CNTN5: variants seen among roughly 807,000 people sequenced by gnomAD.
CNTN5 encodes contactin-5.
In CNTN5, 77 loss-of-function variants were observed where a neutral mutation model predicts 129.1. That is an observed-to-expected ratio of 0.60 (90% confidence interval 0.50 to 0.72). The LOEUF is 0.72. CNTN5 is among the 30% of genes least tolerant of loss of function. The pLI is 0.00. For missense variants in CNTN5, 1,478 were observed against 1,328.8 expected, an observed-to-expected ratio of 1.11 and a Z score of -1.75; for synonymous variants, 509 against 465.6, an observed-to-expected ratio of 1.09 and a Z score of -1.20.
intron 3 of CNTN5, among the ~76,000 whole-genome samples, chr11:99,724,236 T>C (rs1211261102): frequency 1.3e-5 from 2 of 152,136 alleles, no homozygotes; most frequent in African/African-American, 2.4e-5. Context: ...TTTGTTTTTT[T>C]CTAAGACATT....
chr11:99,511,144 A>G (rs983305053), intron 2 of CNTN5, among the ~76,000 whole-genome samples: 2 of 152,186 alleles, frequency 1.3e-5, no homozygotes, highest in Admixed American at 6.6e-5. Context: ...TAGGGTGTCA[A>G]TTTTGGATCT....
At chr11:99,810,186 A>T (rs78469430) in intron 3 of CNTN5, among the ~76,000 whole-genome samples, 1,768 of 152,262 alleles carry the variant, frequency 0.012, 23 homozygotes, top group African/African-American at 0.04. Context: ...ATTTGTAACA[A>T]TGTTCATGCT....
chr11:100,076,728 T>G (rs574125582), intron 13 of CNTN5, among the ~76,000 whole-genome samples: 12 of 152,042 alleles, frequency 7.9e-5, no homozygotes, highest in Non-Finnish European at 1.5e-4. Context: ...TCCTTAGCAT[T>G]CTGCCTACCT....
intron 1 of CNTN5, chr11:99,049,561 A>T (rs1029915901): frequency 1.3e-5 from 2 of 152,128 alleles, no homozygotes; most frequent in Non-Finnish European, 2.9e-5. Flanking sequence ...GAACAGAAGC[A>T]AAGTAATAAT....
At chr11:99,765,094 T>C (rs185991631) in intron 3 of CNTN5, among the ~76,000 whole-genome samples, 6 of 152,170 alleles carry the variant, frequency 3.9e-5, no homozygotes, top group African/African-American at 1.2e-4. Context: ...TGGAAGATAA[T>C]GGTGTGAATA....
At chr11:99,295,014 G>T (rs1219593360) in intron 1 of CNTN5, among the ~76,000 whole-genome samples, 1 of 152,112 alleles carries the variant, frequency 6.6e-6, no homozygotes, top group African/African-American at 2.4e-5. Flanking sequence ...ATAGTTTACG[G>T]TGTCCTCATG....
chr11:99,922,068 G>T (rs1056034147), intron 7 of CNTN5, among the ~76,000 whole-genome samples: 1 of 152,044 alleles, frequency 6.6e-6, no homozygotes, highest in Non-Finnish European at 1.5e-5. Context: ...ACCTGATACC[G>T]GGTAATTTAT....
At chr11:100,134,882 C>T (rs1260084537) in intron 13 of CNTN5, among the ~76,000 whole-genome samples, 1 of 152,146 alleles carries the variant, frequency 6.6e-6, no homozygotes, top group Non-Finnish European at 1.5e-5. Flanking sequence ...CTACTCCAAA[C>T]ATGAGGACAT....
At chr11:99,467,983 C>A (rs1047326745) in intron 2 of CNTN5, among the ~76,000 whole-genome samples, 1 of 151,876 alleles carries the variant, frequency 6.6e-6, no homozygotes, top group Non-Finnish European at 1.5e-5. Context: ...TCATATTTAC[C>A]CCTTGAGTCT....
intron 15 of CNTN5, among the ~76,000 whole-genome samples, chr11:100,204,296 TA>T (rs1384179087): frequency 6.5e-5 from 1 of 15,294 alleles, no homozygotes; most frequent in Non-Finnish European, 1.5e-4. Context: ...AAACATTGAC[TA>T]ATATATATAT....
chr11:100,223,001 T>A (rs555756087), intron 15 of CNTN5, among the ~76,000 whole-genome samples: 2 of 152,116 alleles, frequency 1.3e-5, no homozygotes, highest in South Asian at 2.1e-4. Context: ...TTTCCCCATT[T>A]AAAAAAATCA....
At chr11:100,235,668 A>G (rs1949597912) in intron 16 of CNTN5, among the ~76,000 whole-genome samples, 1 of 152,092 alleles carries the variant, frequency 6.6e-6, no homozygotes, top group African/African-American at 2.4e-5. Context: ...TCTTCTGGGA[A>G]CCATGGGTTA....
chr11:99,307,059 C>A (rs866190171), intron 1 of CNTN5, among the ~76,000 whole-genome samples: 11 of 152,104 alleles, frequency 7.2e-5, no homozygotes, highest in Admixed American at 3.3e-4. Flanking sequence ...TATACAGATT[C>A]GTTTTGATCC....
intron 1 of CNTN5, among the ~76,000 whole-genome samples, chr11:99,202,246 C>A (rs1859246367): frequency 6.6e-6 from 1 of 152,144 alleles, no homozygotes; most frequent in Non-Finnish European, 1.5e-5. Flanking sequence ...ATTCAATTAA[C>A]AATTTAACTC....
chr11:100,090,145 T>A (rs1039005819), intron 13 of CNTN5, among the ~76,000 whole-genome samples: 4 of 151,968 alleles, frequency 2.6e-5, no homozygotes, highest in African/African-American at 9.7e-5. Flanking sequence ...TTCAATAAAA[T>A]CCAACATTTT....
At chr11:99,449,094 A>G (rs574662709) in intron 2 of CNTN5, among the ~76,000 whole-genome samples, 4 of 152,178 alleles carry the variant, frequency 2.6e-5, no homozygotes, top group Non-Finnish European at 5.9e-5. Flanking sequence ...CAAATGTTTT[A>G]TATAACAATT....
chr11:99,521,948 A>T (rs940038931), intron 2 of CNTN5, among the ~76,000 whole-genome samples: 1 of 152,218 alleles, frequency 6.6e-6, no homozygotes, highest in Non-Finnish European at 1.5e-5. Context: ...TTACCTTTGC[A>T]GTAAGTTTCC....
intron 21 of CNTN5, chr11:100,337,759 C>T (rs1285832168): frequency 5.2e-6 from 2 of 383,970 alleles, no homozygotes; most frequent in Non-Finnish European, 1.0e-5. Flanking sequence ...CCACCGACAT[C>T]CTTTTGAAAC....
intron 1 of CNTN5, among the ~76,000 whole-genome samples, chr11:99,023,869 GACTCCA>G (rs1381729609): frequency 6.6e-6 from 1 of 151,996 alleles, no homozygotes; most frequent in Non-Finnish European, 1.5e-5. Context: ...TTGAAATTCT[GACTCCA>G]GGAGTTGATT....
Sources: gnomAD v4.1 joint callset for allele counts (sites outside exome capture counted in the v4.1 genomes callset) on GRCh38, gnomAD v4.1.1 for gene constraint, MANE v1.5 for transcripts, NCBI Gene and HGNC (gene_info 2026-07-23, HGNC 2026-07-21) for gene names.